The following ITPR2 variants were observed in gnomAD, a reference collection of about 807,000 sequenced individuals.
ITPR2 encodes inositol 1,4,5-trisphosphate-gated calcium channel ITPR2.
In ITPR2, 207 loss-of-function variants were observed where a neutral mutation model predicts 317.1. That is an observed-to-expected ratio of 0.65 (90% CI 0.58 to 0.73). The LOEUF is 0.73. Among genes scored for constraint, ITPR2 ranks in the 30% least tolerant of loss-of-function variants. The pLI is 0.00. For missense variants in ITPR2, 2,613 were observed against 3,284.0 expected (o/e 0.80, Z 4.99); for synonymous variants, 1,156 against 1,149.1 (o/e 1.01, Z -0.12).
intron 10 of ITPR2, 125 bp downstream of exon 10, chr12:26,695,481 T>C (rs561576625): frequency 5.4e-5 from 40 of 746,882 alleles, no homozygotes; most frequent in African/African-American, 4.2e-4. Flanking sequence ...CTGTGAACCA[T>C]AGGCTCTACT....
intron 37 of ITPR2, among the ~76,000 whole-genome samples, chr12:26,504,637 G>A (rs568821807): frequency 8.3e-4 from 127 of 152,276 alleles, no homozygotes; most frequent in African/African-American, 3.0e-3. Context: ...GAGAATGTGG[G>A]ATGCAAATTG....
chr12:26,474,148 G>A lies in ITPR2; in HGVS notation c.6342+1148C>T, dbSNP rs138474306. 6.0e-3 allele frequency among the ~76,000 whole-genome samples: 912 copies of A among 152,224 alleles called. 7 individuals are homozygous for A. The highest frequency in any genetic ancestry group is 0.02 in the African/African-American group (810 of 41,538). On this transcript the variant is annotated intron_variant, in intron 45 of 56. Coordinates refer to ENST00000381340, the MANE Select transcript of ITPR2 (RefSeq NM_002223.4). Reference sequence around the variant, plus strand: ...GAAAAGGGCATAAGAAATGTCTAAAGAGCAACCTTAAAAATAAATCTTCCG... The same window carrying A: ...GAAAAGGGCATAAGAAATGTCTAAAAAGCAACCTTAAAAATAAATCTTCCG...
At chr12:26,370,189 G>A (rs1008212131) in intron 55 of ITPR2, among the ~76,000 whole-genome samples, 5 of 152,306 alleles carry the variant, frequency 3.3e-5, no homozygotes, top group African/African-American at 9.6e-5. Flanking sequence ...CCCTGAATTT[G>A]TACCTATTTG....
At chr12:26,612,893 G>A (rs1415246567) in intron 26 of ITPR2, among the ~76,000 whole-genome samples, 1 of 152,168 alleles carries the variant, frequency 6.6e-6, no homozygotes, top group Non-Finnish European at 1.5e-5. Context: ...TTGAATACAT[G>A]CTAACTCCTC....
intron 36 of ITPR2, 24 bp downstream of exon 36, chr12:26,556,209 G>T: frequency 6.2e-7 from 1 of 1,610,034 alleles, no homozygotes; most frequent in Non-Finnish European, 8.5e-7. Flanking sequence ...GACACTAGCA[G>T]AATCTCAGAT....
At chr12:26,410,113 A>C (rs1355690005) in intron 52 of ITPR2, among the ~76,000 whole-genome samples, 1 of 152,180 alleles carries the variant, frequency 6.6e-6, no homozygotes, top group Non-Finnish European at 1.5e-5. Context: ...TCATGGCAGT[A>C]CTCACTGTTA....
At chr12:26,680,905 G>A (rs1032146785) in intron 13 of ITPR2, among the ~76,000 whole-genome samples, 2 of 152,174 alleles carry the variant, frequency 1.3e-5, no homozygotes, top group African/African-American at 4.8e-5. Flanking sequence ...GAGTGGAATT[G>A]GTGAGTCACG....
intron 37 of ITPR2, among the ~76,000 whole-genome samples, chr12:26,527,704 G>T (rs1448424424): frequency 6.6e-6 from 1 of 152,170 alleles, no homozygotes; most frequent in Admixed American, 6.5e-5. Context: ...GTTTCTGTGG[G>T]AAAACAAGTT....
rs1312839384 is a variant in ITPR2, at chr12:26,711,254, G to T, written c.870C>A (p.Asp290Glu). 1 of 1,613,010 alleles carries T rather than the reference G, an allele frequency of 6.2e-7. No individual in the cohort carries two copies. Among genetic ancestry groups the T allele is most frequent in the South Asian group, 1.1e-5 (1 of 91,064 alleles). ...ALWEIEVVHH[D>E]PCRGGAGQWN... is the part of the protein sequence containing the mutation. ...ACTGTCCTGCACCCCCACGGCATGG[G>T]TCATGATGAACCACCTACAAAGAGA... The change falls in exon 9 of 57, where the codon GAC (aspartate) becomes GAA (glutamate). Residue 290 changes from aspartate (D) to glutamate (E), a missense_variant. By Grantham distance (45) the Asp-to-Glu change is conservative (BLOSUM62 2). Around this residue, in one of 9 missense-constraint regions of ITPR2, gnomAD observed 515 missense variants for 789.4 expected, o/e 0.65. Transcript: ENST00000381340.
intron 39 of ITPR2, among the ~76,000 whole-genome samples, chr12:26,491,094 T>G (rs999198395): frequency 6.6e-6 from 1 of 152,050 alleles, no homozygotes; most frequent in Admixed American, 6.6e-5. Flanking sequence ...GTTGGAAAAT[T>G]TGAAGAGATC....
In ITPR2 at chr12:26,566,484, G is replaced by C. The variant is rs371972264; in HGVS notation, c.4631-4532C>G. Among the ~76,000 whole-genome samples, 47 of 143,252 alleles carry C rather than the reference G, an allele frequency of 3.3e-4. 1 individual carries two copies. Among genetic ancestry groups the C allele is most frequent in the East Asian group, 2.3e-3 (11 of 4,768 alleles). 94.0% of individuals were successfully genotyped at this position (143,252 alleles called of 152,430 possible). A position where few individuals can be genotyped will look rare whatever the true frequency, so the allele number is the denominator to read the frequency against. On this transcript the variant is annotated intron_variant, in intron 34 of 56. Transcript: ENST00000381340. The stretch of plus-strand genomic sequence containing the variant: ...GAGAGGAGAGGAGGAGGAGGGAGAG[G>C]AGGGAGAGGAGGGAGAGGAGGAAGA...
At position 26,599,254 on chromosome 12, in the gene ITPR2, T is replaced by C; in HGVS notation, c.3893A>G (p.His1298Arg). The C allele has an allele frequency of 6.2e-7, 1 of 1,614,096 alleles. No individual in the cohort carries two copies. The highest frequency in any genetic ancestry group is 8.5e-7 in the Non-Finnish European group (1 of 1,179,952). ...ISERVVQHFV[H>R]CIETHGRHVE... The stretch of plus-strand genomic sequence containing the variant: ...GTGGCGGCCATGTGTCTCAATGCAG[T>C]GCACAAAGTGTTGTACAACTCTCTC... Residue 1298 changes from histidine to arginine, a missense_variant, in exon 30 of 57, where the codon CAC (histidine) becomes CGC (arginine). Physicochemically the swap from His to Arg is conservative, Grantham distance 29. Transcript: ENST00000381340.
At chr12:26,361,879 A>G (rs1938841196) in intron 55 of ITPR2, among the ~76,000 whole-genome samples, 1 of 152,226 alleles carries the variant, frequency 6.6e-6, no homozygotes, top group Admixed American at 6.5e-5. Context: ...TATACTGACT[A>G]TCATTTTATT....
Position 26,580,133 on chromosome 12 carries a change from C to T in ITPR2, c.4403G>A (p.Arg1468Lys), listed in dbSNP as rs763650466. Residue 1468 changes from arginine to lysine, a missense_variant, in exon 33 of 57, where the codon AGG becomes AAG. Transcript: ENST00000381340. ...TTCCAAAAAGATGTCTGCATGTTTC[C>T]TGTCTGTAGTTGTGTTGCAAACCTG... ...MARVCNTTTD[R>K]KHADIFLEKC... 30 of 1,611,938 alleles carry T rather than the reference C, an allele frequency of 1.9e-5. No individual in the cohort carries two copies. In the East Asian group the frequency reaches 6.5e-4, roughly 35 times the overall value.
intron 34 of ITPR2, among the ~76,000 whole-genome samples, chr12:26,576,538 A>G (rs1945282199): frequency 6.6e-6 from 1 of 152,176 alleles, no homozygotes; most frequent in Non-Finnish European, 1.5e-5. Flanking sequence ...GCTGGGTAAG[A>G]TGTGCAAAAG....
intron 2 of ITPR2, among the ~76,000 whole-genome samples, chr12:26,749,309 A>G (rs1949377651): frequency 6.6e-6 from 1 of 152,238 alleles, no homozygotes; most frequent in African/African-American, 2.4e-5. Context: ...TCTGGAAGAA[A>G]AGTTACTGCT....
intron 37 of ITPR2, among the ~76,000 whole-genome samples, chr12:26,536,844 G>A (rs575288967): frequency 1.3e-5 from 2 of 152,336 alleles, no homozygotes; most frequent in African/African-American, 4.8e-5. Flanking sequence ...GATGTGGGCT[G>A]ATGTGGTCGT....
intron 5 of ITPR2, among the ~76,000 whole-genome samples, chr12:26,719,308 A>G (rs1366077632): frequency 6.6e-6 from 1 of 152,226 alleles, no homozygotes. Flanking sequence ...CTGAGAAGCT[A>G]TGTATTTAAT....
chr12:26,621,272 C>G lies in ITPR2; in HGVS notation c.3313G>C (p.Asp1105His), dbSNP rs765543407. The change falls in exon 26 of 57, where the codon GAC (aspartate) becomes CAC (histidine). Residue 1105 changes from aspartate to histidine, a missense_variant. By Grantham distance (81) the Asp-to-His change is moderately conservative (BLOSUM62 -1). Around this residue, in one of 9 missense-constraint regions of ITPR2, gnomAD observed 817 missense variants for 897.6 expected, o/e 0.91. Transcript: ENST00000381340. ...KQVQLLVSNQDVDNYKQIKAD... is the reference protein window; with the variant it reads ...KQVQLLVSNQHVDNYKQIKAD... ...TTGATTTGCTTGTAGTTATCTACGTCTTGATTAGACACCAGTAATTGCACC... is the reference window on the plus strand; with the variant it reads ...TTGATTTGCTTGTAGTTATCTACGTGTTGATTAGACACCAGTAATTGCACC... 9.9e-6 allele frequency: 16 copies of G among 1,611,774 alleles called. No individual in the cohort carries two copies. Among genetic ancestry groups the G allele is most frequent in the Non-Finnish European group, 1.2e-5 (14 of 1,179,088 alleles).
Sources: gnomAD v4.1 joint callset for allele counts (sites outside exome capture counted in the v4.1 genomes callset) on GRCh38, gnomAD v4.1.1 for gene constraint, gnomAD v4.1.1 regional missense constraint, MANE v1.5 for transcripts, NCBI Gene and HGNC (gene_info 2026-07-23, HGNC 2026-07-21) for gene names.